The following AZIN2 variants were observed in gnomAD, a reference collection of about 807,000 sequenced individuals.
AZIN2 encodes ODC antizyme inhibitor-2.
AZIN2 carries 28 observed loss-of-function variants against 47.8 expected under a neutral mutation model. The ratio of observed to expected loss-of-function variants is 0.59; its 90% CI spans 0.43 to 0.80. The LOEUF is 0.80. AZIN2 is among the 30% of genes least tolerant of loss of function. The pLI, the probability that AZIN2 is intolerant of heterozygous loss-of-function variation, is 0.00. For missense variants in AZIN2, 535 were observed against 582.5 expected, an observed-to-expected ratio of 0.92 and a Z score of 0.84; for synonymous variants, 221 against 239.4, an observed-to-expected ratio of 0.92 and a Z score of 0.71.
the AZIN2 span, chr1:33,145,757 A>G: frequency 1.4e-5 from 6 of 423,148 alleles, no homozygotes; most frequent in Non-Finnish European, 2.5e-5. Flanking sequence ...AAGGGGCAGG[A>G]CAACCCTAGA....
At chr1:33,147,833 C>T in the AZIN2 span, 6 of 1,270,060 alleles carry the variant, frequency 4.7e-6, no homozygotes, top group Admixed American at 9.7e-5. This position sits in a 1 kb window ranked among gnomAD's most constrained non-coding sequence, Gnocchi z 8.1. Context: ...CAGGAGGCCT[C>T]TGACCTGCTG....
Position 33,118,062 on chromosome 1 carries a change from C to G in AZIN2, c.1190C>G (p.Pro397Arg), listed in dbSNP as rs1019319311. ...GCCTACACTGTGGGCATGGGTTCCC[C>G]CTTTTGGGGGACCCAGGCCTGCCAC... is the stretch of plus-strand genomic sequence containing the variant. ...MGAYTVGMGS[P>R]FWGTQACHIT... Residue 397 changes from proline to arginine, a missense_variant, in exon 11 of 12, where the codon CCC (proline) becomes CGC (arginine). Transcript: ENST00000294517. 6.5e-7 allele frequency: 1 copy of G among 1,527,396 alleles called. No individual in the cohort carries two copies. Among genetic ancestry groups the G allele is most frequent in the Admixed American group, 2.2e-5 (1 of 44,858 alleles). The allele number at this position is 1,527,396 out of a possible 1,614,324, so 94.6% of individuals were successfully genotyped here.
chr1:33,113,158 T>C lies in AZIN2; in HGVS notation c.1030-4744T>C, dbSNP rs1388868736. On this transcript the variant is annotated intron_variant, in intron 10 of 11. Transcript: ENST00000294517. The surrounding 1 kb of genome is among the most constrained non-coding windows in gnomAD (Gnocchi z 4.1). ...CATGCCTGGAGAGATGGGGTAGAGA[T>C]GGGGTTTCACCGTGTTAACCAGGAT... is the stretch of plus-strand genomic sequence containing the variant. Among the ~76,000 whole-genome samples the C allele has an allele frequency of 6.6e-6, 1 of 152,124 alleles. No homozygotes were observed. The highest frequency in any genetic ancestry group is 1.5e-5 in the Non-Finnish European group (1 of 68,004).
At position 33,118,221 on chromosome 1, in the gene AZIN2, T is replaced by C; in HGVS notation, c.1244+105T>C. ...CTTCTGTGTAATCCAACTTGACAAG[T>C]AGCTGTTGGCTGCTGGTCCCACGTG... is the stretch of plus-strand genomic sequence containing the variant. On this transcript the variant is annotated intron_variant, in intron 11 of 11. Transcript: ENST00000294517. The C allele has an allele frequency of 4.0e-6, 5 of 1,256,194 alleles. No homozygotes were observed. The Admixed American group carries it at 1.2e-4, about 30-fold the overall frequency. 77.8% of individuals were successfully genotyped at this position (1,256,194 alleles called of 1,614,324 possible). A position where few individuals can be genotyped will look rare whatever the true frequency, so the allele number is the denominator to read the frequency against.
chr1:33,108,642 A>G (rs1644139222), intron 10 of AZIN2, among the ~76,000 whole-genome samples: 1 of 151,972 alleles, frequency 6.6e-6, no homozygotes, highest in Non-Finnish European at 1.5e-5. Flanking sequence ...CGTGGCCCAG[A>G]TTGACTTCTT....
the AZIN2 span, among the ~76,000 whole-genome samples, chr1:33,149,606 C>G: frequency 6.6e-6 from 1 of 151,416 alleles, no homozygotes. Flanking sequence ...AGGCATGCAT[C>G]ACTATGCGCA....
chr1:33,158,206 T>G, the AZIN2 span: 2 of 1,566,458 alleles, frequency 1.3e-6, no homozygotes, highest in Non-Finnish European at 8.8e-7. Flanking sequence ...TGGGCTGTGC[T>G]GGGACATGCC....
At chr1:33,085,984 A>G (rs1439796246) in intron 5 of AZIN2, among the ~76,000 whole-genome samples, 2 of 152,322 alleles carry the variant, frequency 1.3e-5, no homozygotes, top group African/African-American at 2.4e-5. Flanking sequence ...GGTGAAGAAC[A>G]GGACCAAACC....
intron 11 of AZIN2, chr1:33,119,614 T>TATGATGA: frequency 5.4e-6 from 1 of 183,922 alleles, no homozygotes; most frequent in Non-Finnish European, 1.2e-5. Context: ...AAGCCTGGGG[T>TATGATGA]ATGATGAATG....
the AZIN2 span, chr1:33,147,257 A>T: frequency 1.9e-6 from 3 of 1,614,126 alleles, no homozygotes; most frequent in Non-Finnish European, 2.5e-6. This position sits in a 1 kb window ranked among gnomAD's most constrained non-coding sequence, Gnocchi z 8.1. Context: ...AAGTAAGAGC[A>T]GAGCTTGCCA....
the AZIN2 span, among the ~76,000 whole-genome samples, chr1:33,140,671 C>A: frequency 6.6e-6 from 1 of 152,248 alleles, no homozygotes; most frequent in Non-Finnish European, 1.5e-5. The surrounding 1 kb of genome is among the most constrained non-coding windows in gnomAD (Gnocchi z 4.0). Context: ...GCAGCTCCAG[C>A]AGCTGCCTGG....
intron 8 of AZIN2, among the ~76,000 whole-genome samples, chr1:33,095,981 G>A (rs1183657066): frequency 6.6e-6 from 1 of 152,114 alleles, no homozygotes; most frequent in Non-Finnish European, 1.5e-5. Flanking sequence ...AGGATTACAG[G>A]TGCAAGCCAC....
chr1:33,120,306 G>T lies in AZIN2; in HGVS notation c.*124G>T, dbSNP rs145022972. 7.4e-7 allele frequency: 1 copy of T among 1,344,584 alleles called. No individual in the cohort carries two copies. The highest frequency in any genetic ancestry group is 1.0e-6 in the Non-Finnish European group (1 of 990,278). 83.3% of individuals were successfully genotyped at this position (1,344,584 alleles called of 1,614,324 possible). A position where few individuals can be genotyped will look rare whatever the true frequency, so the allele number is the denominator to read the frequency against. On this transcript the variant is annotated 3_prime_UTR_variant, in exon 12 of 12. Coordinates refer to ENST00000294517, the MANE Select transcript of AZIN2 (RefSeq NM_052998.4). ...CTGGTGCCCACCCTGCCACCCCCGC[G>T]CTCCACCTGCAGTGTTTCTGCCCTG...
rs373381151 is a variant in AZIN2 at position 33,088,818 on chromosome 1, G to A, written c.280-3232G>A. 4.4e-4 allele frequency among the ~76,000 whole-genome samples: 67 copies of A among 152,308 alleles called. 1 individual carries two copies. The South Asian group carries it at 0.012, about 28-fold the overall frequency. ...CTCAGTTTAAATATCTAACCCTGAA[G>A]TTGTCCTTTGCCTCTCACACCCAGG... is the stretch of plus-strand genomic sequence containing the variant. On this transcript the variant is annotated intron_variant, in intron 5 of 11. Coordinates refer to ENST00000294517, the MANE Select transcript of AZIN2 (RefSeq NM_052998.4).
the AZIN2 span, among the ~76,000 whole-genome samples, chr1:33,148,533 C>G: frequency 8.5e-5 from 13 of 152,268 alleles, no homozygotes; most frequent in African/African-American, 3.1e-4. Flanking sequence ...TGGTGTTTTA[C>G]CTATGACGAG....
At chr1:33,108,832 T>C (rs1383610418) in intron 10 of AZIN2, among the ~76,000 whole-genome samples, 1 of 152,234 alleles carries the variant, frequency 6.6e-6, no homozygotes, top group Non-Finnish European at 1.5e-5. Context: ...ATTATAAACA[T>C]CTATGTGTAA....
intron 10 of AZIN2, among the ~76,000 whole-genome samples, chr1:33,109,659 A>T (rs1051269905): frequency 6.6e-6 from 1 of 151,756 alleles, no homozygotes; most frequent in African/African-American, 2.4e-5. Context: ...AGAAATTTTT[A>T]ATTTTAATAA....
At chr1:33,133,613 A>G in the AZIN2 span, among the ~76,000 whole-genome samples, 1 of 152,170 alleles carries the variant, frequency 6.6e-6, no homozygotes, top group African/African-American at 2.4e-5. Context: ...TGCCTGGCCA[A>G]AGGGATGGGG....
Position 33,109,855 on chromosome 1 carries a change from C to T in AZIN2, c.1030-8047C>T, listed in dbSNP as rs184502146. On this transcript the variant is annotated intron_variant, in intron 10 of 11. Transcript: ENST00000294517. Reference sequence around the variant, plus strand: ...TTGTGTATTTTGTTTATTAGTGTGTCCCAAGCATACAAAACAGTGATTATC... The same window carrying T: ...TTGTGTATTTTGTTTATTAGTGTGTTCCAAGCATACAAAACAGTGATTATC... 2.0e-5 allele frequency among the ~76,000 whole-genome samples: 3 copies of T among 152,188 alleles called. No individual in the cohort carries two copies. The South Asian group carries it at 6.2e-4, about 32-fold the overall frequency.
Sources: gnomAD v4.1 joint callset for allele counts (sites outside exome capture counted in the v4.1 genomes callset) on GRCh38, gnomAD v4.1.1 for gene constraint, Gnocchi (gnomAD v3.1) non-coding constraint, MANE v1.5 for transcripts, NCBI Gene and HGNC (gene_info 2026-07-23, HGNC 2026-07-21) for gene names.